Variants in TNFRSF14 observed in about 807,000 individuals in gnomAD.
The protein encoded by TNFRSF14 is TNF receptor superfamily member 14.
Under a neutral mutation model 34.1 loss-of-function variants are expected in TNFRSF14, and 18 were observed. The ratio of observed to expected loss-of-function variants is 0.53; its 90% CI spans 0.36 to 0.78. The LOEUF (loss-of-function observed/expected upper bound fraction) is 0.78. TNFRSF14 is among the 30% of genes least tolerant of loss of function. The pLI is 0.00. For synonymous variants in TNFRSF14, 157 were observed against 153.2 expected (o/e 1.02, Z -0.18); for missense variants, 352 against 379.5 (o/e 0.93, Z 0.60).
Position 2,560,613 on chromosome 1 carries a change from T to C in TNFRSF14, c.461-11T>C. The C allele has an allele frequency of 6.2e-7, 1 of 1,611,440 alleles. No individual in the cohort carries two copies. Among genetic ancestry groups the C allele is most frequent in the Non-Finnish European group, 8.5e-7 (1 of 1,178,828 alleles). On this transcript the variant is annotated splice_polypyrimidine_tract_variant and intron_variant, in intron 4 of 7. Coordinates refer to ENST00000355716, the MANE Select transcript of TNFRSF14 (RefSeq NM_003820.4). ...GCCCTCAGCCCCCTCTGTCCGTCCC[T>C]CTCTTCTCAGGCACCGAGAGTCAGG... is the stretch of plus-strand genomic sequence containing the variant.
At chr1:2,558,303 C>T in intron 2 of TNFRSF14, 40 bp from the exon 3 acceptor site, 1 of 1,574,092 alleles carries the variant, frequency 6.4e-7, no homozygotes, top group East Asian at 2.3e-5. Flanking sequence ...CCGAAGGGGC[C>T]TCCCGCAGAC....
intron 5 of TNFRSF14, 121 bp downstream of exon 5, chr1:2,560,835 C>T (rs1253667945): frequency 3.5e-6 from 3 of 846,362 alleles, no homozygotes; most frequent in African/African-American, 3.4e-5. Context: ...GAGCGGCACC[C>T]TGGTCACATG....
rs376398200 is a variant in TNFRSF14 at position 2,559,924 on chromosome 1, G to A, written c.406G>A (p.Ala136Thr). 1.0e-5 allele frequency: 16 copies of A among 1,599,462 alleles called. No homozygotes were observed. Among genetic ancestry groups the A allele is most frequent in the South Asian group, 5.6e-5 (5 of 88,956 alleles). Residue 136 changes from alanine (A) to threonine (T), a missense_variant, in exon 4 of 8, where the codon GCC (alanine) becomes ACC (threonine). Coordinates refer to ENST00000355716, the MANE Select transcript of TNFRSF14 (RefSeq NM_003820.4). Reference sequence around the variant, plus strand: ...CATCGTCCAGGACGGGGACCACTGCGCCGCGTGCCGCGCTTACGCCACCTC... The same window carrying A: ...CATCGTCCAGGACGGGGACCACTGCACCGCGTGCCGCGCTTACGCCACCTC... ...FCIVQDGDHC[A>T]ACRAYATSSP...
intron 1 of TNFRSF14, 138 bp from the exon 2 acceptor site, chr1:2,557,588 G>A (rs1390459794): frequency 3.3e-6 from 2 of 615,152 alleles, no homozygotes; most frequent in East Asian, 3.4e-5. Context: ...GCCTGGCCTG[G>A]GGCCCGCTTC....
At chr1:2,558,726 C>G (rs369400126) in intron 3 of TNFRSF14, 6 of 1,133,400 alleles carry the variant, frequency 5.3e-6, no homozygotes, top group South Asian at 1.6e-5. Flanking sequence ...CCTTATCCCT[C>G]GTCCTTGGCT....
In TNFRSF14 at chr1:2,563,260, G is replaced by A. The variant is rs1318375628; in HGVS notation, c.839G>A (p.Ser280Asn). 1.9e-6 allele frequency: 3 copies of A among 1,613,478 alleles called. No individual in the cohort carries two copies. Among genetic ancestry groups the A allele is most frequent in the South Asian group, 2.2e-5 (2 of 91,084 alleles). Residue 280 changes from serine (S) to asparagine (N), a missense_variant, in exon 8 of 8, where the codon AGC (serine) becomes AAC (asparagine). By Grantham distance (46) the Ser-to-Asn change is conservative. Coordinates refer to ENST00000355716, the MANE Select transcript of TNFRSF14 (RefSeq NM_003820.4). Reference protein sequence around the residue: ...EETIPSFTGRSPNH With the variant: ...EETIPSFTGRNPNH ...ACAATACCCTCATTCACGGGGAGGA[G>A]CCCAAACCACTGACCCACAGACTCT...
intron 3 of TNFRSF14, chr1:2,559,248 T>C: frequency 1.5e-6 from 2 of 1,369,460 alleles, no homozygotes; most frequent in Non-Finnish European, 1.9e-6. Flanking sequence ...TCAACCTGCA[T>C]GCCCAGTTCC....
intron 5 of TNFRSF14, 37 bp downstream of exon 5, chr1:2,560,751 G>A: frequency 6.3e-7 from 1 of 1,588,496 alleles, no homozygotes; most frequent in Non-Finnish European, 8.6e-7. Flanking sequence ...TCTGTGCCCT[G>A]GGGAGGGGGC....
At chr1:2,556,237 G>A (rs1487422040), upstream of TNFRSF14, 16 of 464,234 alleles carry the variant, frequency 3.4e-5, no homozygotes, top group African/African-American at 2.5e-4. Flanking sequence ...GGGAGCAGCC[G>A]AGGGTCCCTG....
intron 3 of TNFRSF14, chr1:2,558,693 C>A: frequency 1.8e-6 from 2 of 1,128,238 alleles, no homozygotes; most frequent in Non-Finnish European, 2.4e-6. Flanking sequence ...GCCAGGTGGG[C>A]CATCCTGAGC....
chr1:2,562,110 A>C, intron 6 of TNFRSF14: 1 of 487,682 alleles, frequency 2.1e-6, no homozygotes, highest in Non-Finnish European at 3.7e-6. Context: ...TGTGGGGAGC[A>C]GGACAGGCCC....
chr1:2,562,955 G>T, intron 7 of TNFRSF14, 59 bp downstream of exon 7: 2 of 1,164,892 alleles, frequency 1.7e-6, no homozygotes, highest in Non-Finnish European at 2.4e-6. Context: ...CCCTCTCCCC[G>T]CTGGGGCTGG....
intron 4 of TNFRSF14, 55 bp downstream of exon 4, chr1:2,560,033 C>T (rs567511219): frequency 2.9e-5 from 43 of 1,471,946 alleles, no homozygotes; most frequent in East Asian, 7.4e-5. Context: ...CCCAGTGCCC[C>T]GCTGTCTGGA....
chr1:2,560,820 AC>A, intron 5 of TNFRSF14, 106 bp downstream of exon 5: 1 of 1,024,356 alleles, frequency 9.8e-7, no homozygotes, highest in African/African-American at 1.6e-5. Context: ...TGAAGGTCCC[AC>A]CCTGAGCGGC....
intron 3 of TNFRSF14, 41 bp downstream of exon 3, chr1:2,558,509 G>A: frequency 1.2e-6 from 2 of 1,610,120 alleles, no homozygotes; most frequent in Admixed American, 1.7e-5. Flanking sequence ...CGCTTGGGCA[G>A]CCTGGATGCC....
At chr1:2,560,559 C>T in intron 4 of TNFRSF14, 65 bp from the exon 5 acceptor site, 1 of 1,298,918 alleles carries the variant, frequency 7.7e-7, no homozygotes, top group Non-Finnish European at 1.1e-6. Flanking sequence ...ACAAGCAGTC[C>T]CTAGCCGCCA....
chr1:2,558,815 G>A, intron 3 of TNFRSF14: 1 of 1,328,136 alleles, frequency 7.5e-7, no homozygotes, highest in Non-Finnish European at 9.8e-7. Context: ...GATGGTGCTG[G>A]GACTCTCCGG....
In TNFRSF14 at chr1:2,556,682, C is replaced by T. The variant is rs780893877; in HGVS notation, c.18C>T (p.Asp6=). ...CCTGAGGCATGGAGCCTCCTGGAGA[C>T]TGGGGGCCTCCTCCCTGGAGATCCA... is the stretch of plus-strand genomic sequence containing the variant. MEPPG[D]WGPPPWRSTP... The change falls in exon 1 of 8, where the codon GAC becomes GAT. Residue 6 remains aspartate (D), a synonymous_variant. Transcript: ENST00000355716. The T allele has an allele frequency of 7.8e-5, 126 of 1,609,420 alleles. No homozygotes were observed. Among genetic ancestry groups the T allele is most frequent in the Admixed American group, 1.5e-4 (9 of 59,600 alleles).
In TNFRSF14 at chr1:2,561,625, C is replaced by T; in HGVS notation, c.552-48C>T. 6.2e-7 allele frequency: 1 copy of T among 1,609,526 alleles called. No homozygotes were observed. The highest frequency in any genetic ancestry group is 8.5e-7 in the Non-Finnish European group (1 of 1,178,178). ...GAGGCTCCCTGAGGCTGAGTGAACA[C>T]TGGGCGCTGCACCTGCCTCTCCCAC... On this transcript the variant is annotated intron_variant, in intron 5 of 7. Coordinates refer to ENST00000355716, the MANE Select transcript of TNFRSF14 (RefSeq NM_003820.4). This position sits in a 1 kb window ranked among gnomAD's most constrained non-coding sequence, Gnocchi z 6.0.
Sources: gnomAD v4.1 joint callset for allele counts on GRCh38, gnomAD v4.1.1 for gene constraint, Gnocchi (gnomAD v3.1) non-coding constraint, MANE v1.5 for transcripts, NCBI Gene and HGNC (gene_info 2026-07-23, HGNC 2026-07-21) for gene names.